Variants in PDXDC1 observed in about 807,000 individuals in gnomAD.
PDXDC1 encodes the protein pyridoxal-dependent decarboxylase domain-containing protein 1.
Under a neutral mutation model 100.1 loss-of-function variants are expected in PDXDC1, and 42 were observed. That is an observed-to-expected ratio of 0.42 (90% CI 0.33 to 0.54). The LOEUF is 0.54. Ranked by LOEUF, PDXDC1 falls within the 20% of genes least tolerant of loss-of-function variation. The pLI, the probability that PDXDC1 is intolerant of heterozygous loss-of-function variation, is 0.10. For missense variants in PDXDC1, 636 were observed against 979.2 expected (o/e 0.65, Z 4.68); for synonymous variants, 260 against 371.7 (o/e 0.70, Z 3.46).
At chr16:15,065,208 A>G (rs747494694) in intron 16 of PDXDC1, 2 of 1,585,380 alleles carry the variant, frequency 1.3e-6, no homozygotes, top group Non-Finnish European at 1.7e-6. Context: ...TCAATGTTTA[A>G]AAGTACCTAC....
At chr16:15,025,746 C>T (rs1229563674) in intron 13 of PDXDC1, 2 of 153,122 alleles carry the variant, frequency 1.3e-5, no homozygotes, top group Non-Finnish European at 2.9e-5. Context: ...AGAGATCTTC[C>T]CCCTCCAGGG....
intron 16 of PDXDC1, among the ~76,000 whole-genome samples, chr16:15,090,178 C>T (rs913975687): frequency 6.6e-6 from 1 of 151,982 alleles, no homozygotes; most frequent in African/African-American, 2.4e-5. Context: ...CCACTGCACT[C>T]CAGCCTGCGT....
At chr16:15,013,523 A>G (rs998877137) in intron 8 of PDXDC1, among the ~76,000 whole-genome samples, 3 of 152,246 alleles carry the variant, frequency 2.0e-5, no homozygotes, top group South Asian at 2.1e-4. Flanking sequence ...CATGCTCTAT[A>G]TATTTGTCAA....
rs1225964496 is a variant in PDXDC1 at position 15,044,541 on chromosome 16, C to T, written c.1399+14485C>T. 1.5e-5 allele frequency: 10 copies of T among 675,544 alleles called. No homozygotes were observed. The highest frequency in any genetic ancestry group is 7.2e-5 in the Admixed American group (3 of 41,598). The allele number at this position is 675,544 out of a possible 1,614,324, so 41.8% of individuals were successfully genotyped here. ...GAGCTGCAGGTCATCTTCGTGCCAC[C>T]GCAAAAGAAAGTATCGGCAGCACAC... On this transcript the variant is annotated intron_variant, in intron 16 of 16. Coordinates refer to the PDXDC1 transcript ENST00000535621.
chr16:15,048,286 C>T (rs971056031), intron 16 of PDXDC1, among the ~76,000 whole-genome samples: 4 of 152,194 alleles, frequency 2.6e-5, no homozygotes, highest in South Asian at 2.1e-4. Flanking sequence ...GCAGAGAAAA[C>T]GATGCGGTTC....
At chr16:15,084,142 G>A (rs2045819188) in intron 16 of PDXDC1, among the ~76,000 whole-genome samples, 1 of 152,164 alleles carries the variant, frequency 6.6e-6, no homozygotes, top group African/African-American at 2.4e-5. Context: ...AAACATAACA[G>A]CACTTTTGCT....
intron 17 of PDXDC1, 31 bp downstream of exon 17, chr16:15,031,937 A>G: frequency 6.4e-7 from 1 of 1,553,472 alleles, no homozygotes; most frequent in Non-Finnish European, 8.8e-7. Flanking sequence ...TTGATGTTGG[A>G]GACTTTTCTG....
At chr16:15,142,657 G>A (rs965638765), downstream of PDXDC1, among the ~76,000 whole-genome samples, 27 of 152,132 alleles carry the variant, frequency 1.8e-4, no homozygotes, top group African/African-American at 6.3e-4. Flanking sequence ...GCTTGCTCCC[G>A]TACTTTTCCA....
chr16:15,065,443 G>A lies in PDXDC1; in HGVS notation c.1399+35387G>A, dbSNP rs546361451. On this transcript the variant is annotated intron_variant, in intron 16 of 16. Coordinates refer to the PDXDC1 transcript ENST00000535621. ...GTGACTCGGTGCAGATGTGAGCTGC[G>A]TGTGACAACTGTACCTACCACAGAG... 54 of 1,331,012 alleles carry A rather than the reference G, an allele frequency of 4.1e-5. No homozygotes were observed. The South Asian group carries it at 4.2e-4, about 10-fold the overall frequency. 82.5% of individuals were successfully genotyped at this position (1,331,012 alleles called of 1,614,324 possible).
At chr16:15,040,371 C>G (rs1182950101), downstream of PDXDC1, 3 of 333,018 alleles carry the variant, frequency 9.0e-6, no homozygotes, top group Non-Finnish European at 1.6e-5. Flanking sequence ...GTCATCCCTA[C>G]TGGTGTACGG....
downstream of PDXDC1, chr16:15,040,409 G>C (rs985713679): frequency 3.9e-6 from 1 of 259,090 alleles, no homozygotes; most frequent in East Asian, 8.1e-5. Context: ...AACTGTGATC[G>C]TTCTGTTTGA....
chr16:15,015,948 A>C, intron 8 of PDXDC1, 181 bp from the exon 9 acceptor site: 1 of 1,294,926 alleles, frequency 7.7e-7, no homozygotes, highest in South Asian at 1.6e-5. Context: ...TACTCTTCAA[A>C]GCTTGTAATA....
chr16:15,129,867 C>G (rs1409325012), intron 16 of PDXDC1: 1 of 761,200 alleles, frequency 1.3e-6, no homozygotes, highest in African/African-American at 1.7e-5. Flanking sequence ...CCTGCCACCC[C>G]GCCGCGCCCC....
chr16:15,095,586 T>C (rs2046325848), intron 16 of PDXDC1, among the ~76,000 whole-genome samples: 1 of 152,274 alleles, frequency 6.6e-6, no homozygotes, highest in Non-Finnish European at 1.5e-5. Flanking sequence ...GCGCAGTGGC[T>C]CACGCCTGTT....
chr16:15,129,244 G>A (rs1274791782), intron 16 of PDXDC1, among the ~76,000 whole-genome samples: 4 of 151,374 alleles, frequency 2.6e-5, no homozygotes, highest in South Asian at 2.1e-4. Flanking sequence ...CGAGGCAGGC[G>A]GATCACCTGA....
chr16:15,053,481 A>T (rs4985149), intron 16 of PDXDC1, among the ~76,000 whole-genome samples: 45,661 of 151,770 alleles, frequency 0.3, 7,294 homozygotes, highest in Admixed American at 0.45. Flanking sequence ...TCATTTTTTT[A>T]AAAAAAGTAA....
intron 21 of PDXDC1, among the ~76,000 whole-genome samples, chr16:15,035,201 T>G (rs1319438600): frequency 6.6e-6 from 1 of 152,210 alleles, no homozygotes; most frequent in Admixed American, 6.5e-5. Flanking sequence ...TACAGTACGT[T>G]TCCCTGTTGG....
At chr16:15,133,096 G>C in intron 16 of PDXDC1, 1 of 617,816 alleles carries the variant, frequency 1.6e-6, no homozygotes, top group Non-Finnish European at 2.8e-6. Context: ...GAGAGGGCCC[G>C]GTGGGTGTGG....
intron 8 of PDXDC1, among the ~76,000 whole-genome samples, chr16:15,011,624 T>C (rs1468310099): frequency 3.6e-5 from 5 of 139,120 alleles, no homozygotes; most frequent in Admixed American, 3.1e-4. Flanking sequence ...TTGCAAAACA[T>C]TTTTTTCTTT....
Sources: gnomAD v4.1 joint callset for allele counts (sites outside exome capture counted in the v4.1 genomes callset) on GRCh38, gnomAD v4.1.1 for gene constraint, MANE v1.5 for transcripts, NCBI Gene and HGNC (gene_info 2026-07-23, HGNC 2026-07-21) for gene names.